Variants in ADAM23 observed in about 807,000 individuals in gnomAD.
ADAM23 encodes the protein ADAM metallopeptidase domain 23.
A neutral mutation model predicts 120.1 loss-of-function variants in ADAM23; 33 were observed. The ratio of observed to expected loss-of-function variants is 0.27; its 90% confidence interval spans 0.21 to 0.37. The LOEUF (loss-of-function observed/expected upper bound fraction) is 0.37. ADAM23 is among the 10% of genes least tolerant of loss of function. The probability of loss-of-function intolerance (pLI) is 1.00; values close to 1 mark genes in which losing one functional copy is unlikely to be tolerated. For missense variants in ADAM23, 862 were observed against 1,058.2 expected (o/e 0.81, Z 2.57); for synonymous variants, 367 against 375.2 (o/e 0.98, Z 0.25).
At chr2:206,470,782 A>G (rs1695641633) in intron 2 of ADAM23, among the ~76,000 whole-genome samples, 2 of 152,204 alleles carry the variant, frequency 1.3e-5, no homozygotes, top group Non-Finnish European at 2.9e-5. Flanking sequence ...ATTCAGTGCA[A>G]AGGACAGAGC....
intron 2 of ADAM23, among the ~76,000 whole-genome samples, chr2:206,456,153 A>G (rs1348966015): frequency 1.3e-5 from 2 of 152,168 alleles, no homozygotes; most frequent in African/African-American, 4.8e-5. Context: ...CGTAAGCTAT[A>G]CAGGAAGTAT....
At chr2:206,529,518 G>T (rs1697008459) in intron 3 of ADAM23, among the ~76,000 whole-genome samples, 1 of 151,712 alleles carries the variant, frequency 6.6e-6, no homozygotes, top group African/African-American at 2.4e-5. Flanking sequence ...TCCACCTCAG[G>T]CTCCCTAGTA....
intron 4 of ADAM23, among the ~76,000 whole-genome samples, chr2:206,538,872 C>G (rs1011956514): frequency 6.6e-6 from 1 of 152,122 alleles, no homozygotes; most frequent in Non-Finnish European, 1.5e-5. Flanking sequence ...CCTTGGCCTC[C>G]CAAAGTGCTA....
intron 16 of ADAM23, 42 bp from the exon 17 acceptor site, chr2:206,571,685 A>G: frequency 1.4e-6 from 2 of 1,435,468 alleles, no homozygotes; most frequent in Non-Finnish European, 2.0e-6. Context: ...AATGACCAGC[A>G]GGTAAGGCTC....
At chr2:206,508,657 A>G (rs1696554199) in intron 3 of ADAM23, among the ~76,000 whole-genome samples, 1 of 51,938 alleles carries the variant, frequency 1.9e-5, no homozygotes, top group South Asian at 5.0e-4. Flanking sequence ...TCTGTCTCCA[A>G]AAAAAAAAAA....
intron 18 of ADAM23, among the ~76,000 whole-genome samples, chr2:206,585,044 A>G (rs538745423): frequency 8.0e-4 from 122 of 152,152 alleles, no homozygotes; most frequent in African/African-American, 2.0e-3. Flanking sequence ...CACTTCCACA[A>G]TTGGGGCACT....
intron 3 of ADAM23, among the ~76,000 whole-genome samples, chr2:206,508,512 C>A (rs534746540): frequency 6.6e-6 from 1 of 151,162 alleles, no homozygotes; most frequent in African/African-American, 2.4e-5. Context: ...AAAAATTAGC[C>A]GGGCGTGGTG....
chr2:206,579,185 C>T (rs1698175781), intron 18 of ADAM23, among the ~76,000 whole-genome samples: 1 of 152,032 alleles, frequency 6.6e-6, no homozygotes, highest in Non-Finnish European at 1.5e-5. Flanking sequence ...TTTGGGTTGT[C>T]TCTTTACTCT....
chr2:206,459,541 T>C (rs527445357), intron 2 of ADAM23, among the ~76,000 whole-genome samples: 1 of 152,350 alleles, frequency 6.6e-6, no homozygotes, highest in African/African-American at 2.4e-5. Context: ...AAACATTTAT[T>C]AACTTACTTG....
intron 3 of ADAM23, among the ~76,000 whole-genome samples, chr2:206,490,611 TGTA>T (rs1696113462): frequency 6.6e-6 from 1 of 152,216 alleles, no homozygotes; most frequent in African/African-American, 2.4e-5. Flanking sequence ...TGCAATATGA[TGTA>T]GTCAAATATT....
chr2:206,526,141 T>TACACACAC lies in ADAM23; in HGVS notation c.510-4712_510-4705dup, dbSNP rs59684611. ...TCTCATATTCAAGGATTCCAACAAA[T>TACACACAC]ACACACACACACACACACACACACA... On this transcript the variant is annotated intron_variant, in intron 3 of 25. Transcript: ENST00000264377. 3.1e-3 allele frequency among the ~76,000 whole-genome samples: 450 copies of TACACACAC among 145,774 alleles called. 1 individual carries two copies. The highest frequency in any genetic ancestry group is 9.4e-3 in the African/African-American group (370 of 39,290).
intron 5 of ADAM23, among the ~76,000 whole-genome samples, chr2:206,542,667 C>T (rs992719448): frequency 5.9e-5 from 9 of 152,056 alleles, no homozygotes; most frequent in African/African-American, 2.2e-4. Context: ...GGCCATGTGA[C>T]GACAAAGAAT....
chr2:206,561,452 A>T (rs560340905), intron 12 of ADAM23, among the ~76,000 whole-genome samples: 61 of 152,134 alleles, frequency 4.0e-4, no homozygotes, highest in African/African-American at 1.4e-3. Context: ...TGGCCTGGAG[A>T]CTTTTAGGCC....
chr2:206,495,429 C>T (rs1223872661), intron 3 of ADAM23, among the ~76,000 whole-genome samples: 1 of 151,384 alleles, frequency 6.6e-6, no homozygotes, highest in African/African-American at 2.4e-5. Context: ...GAAATAAAAT[C>T]CTTTACAGAC....
chr2:206,517,977 G>A (rs33998651), intron 3 of ADAM23, among the ~76,000 whole-genome samples: 2,724 of 152,212 alleles, frequency 0.018, 31 homozygotes, highest in Middle Eastern at 0.041. Context: ...GGCTGCTTCT[G>A]GAATCTTACA....
At chr2:206,565,148 G>A (rs778503720) in intron 14 of ADAM23, 80 bp downstream of exon 14, 1 of 1,316,776 alleles carries the variant, frequency 7.6e-7, no homozygotes, top group South Asian at 1.2e-5. Flanking sequence ...GGTCTCTCGG[G>A]TATTGGTCTT....
intron 3 of ADAM23, among the ~76,000 whole-genome samples, chr2:206,510,848 C>A (rs183057033): frequency 2.0e-5 from 3 of 152,274 alleles, no homozygotes; most frequent in African/African-American, 7.2e-5. Context: ...TATGATTTTT[C>A]TTTATCAGTA....
At chr2:206,540,962 A>T (rs1559255363) in intron 4 of ADAM23, among the ~76,000 whole-genome samples, 1 of 147,538 alleles carries the variant, frequency 6.8e-6, no homozygotes, top group East Asian at 1.9e-4. Context: ...TTATTTATAA[A>T]TATTATTTTT....
chr2:206,612,035 A>G (rs1698836667), intron 25 of ADAM23, among the ~76,000 whole-genome samples: 1 of 152,190 alleles, frequency 6.6e-6, no homozygotes, highest in African/African-American at 2.4e-5. Context: ...GTAGAAAGAC[A>G]CACAATAGGG....
Sources: allele counts gnomAD v4.1 joint callset (sites outside exome capture counted in the v4.1 genomes callset), GRCh38; gene constraint gnomAD v4.1.1; transcripts MANE v1.5; gene names NCBI Gene and HGNC (gene_info 2026-07-23, HGNC 2026-07-21).